The following UTS2B variants were observed in gnomAD, a reference collection of about 807,000 sequenced individuals.
UTS2B encodes the protein urotensin-2B.
UTS2B carries 21 observed loss-of-function variants against 19.2 expected under a neutral mutation model. The observed-to-expected ratio is 1.09, with a 90% CI of 0.78 to 1.58. The LOEUF (loss-of-function observed/expected upper bound fraction) is 1.58. Ranked by LOEUF, UTS2B falls within the 40% of genes most tolerant of loss-of-function variation. UTS2B has a pLI of 0.00. For missense variants in UTS2B, 138 were observed against 130.3 expected (o/e 1.06, Z -0.29); for synonymous variants, 57 against 50.2 (o/e 1.14, Z -0.58).
chr3:191,291,732 G>C (rs1030963647), intron 4 of UTS2B, among the ~76,000 whole-genome samples: 3 of 152,108 alleles, frequency 2.0e-5, no homozygotes, highest in African/African-American at 7.2e-5. Flanking sequence ...GATTACATGC[G>C]TGAGCCACCG....
chr3:191,333,313 A>G (rs962109272), upstream of UTS2B, among the ~76,000 whole-genome samples: 4 of 152,208 alleles, frequency 2.6e-5, no homozygotes, highest in African/African-American at 7.2e-5. Context: ...AGGGCACTCC[A>G]GTGGCATAAT....
intron 8 of UTS2B, among the ~76,000 whole-genome samples, chr3:191,271,635 A>C (rs1203934795): frequency 6.6e-6 from 1 of 151,436 alleles, no homozygotes; most frequent in Non-Finnish European, 1.5e-5. Context: ...TCTTTTGTTG[A>C]CTCTGCCTCA....
chr3:191,313,829 C>G (rs1299334421), intron 3 of UTS2B, among the ~76,000 whole-genome samples: 2 of 146,998 alleles, frequency 1.4e-5, no homozygotes, highest in African/African-American at 5.0e-5. Context: ...CTCCCAGGTT[C>G]AAGTGATTCT....
chr3:191,338,832 A>G, the UTS2B span, among the ~76,000 whole-genome samples: 1 of 152,206 alleles, frequency 6.6e-6, no homozygotes, highest in Non-Finnish European at 1.5e-5. Flanking sequence ...TTTGGAGGCA[A>G]CAGTCTTACT....
At chr3:191,329,830 C>A in intron 1 of UTS2B, 1 of 1,180,130 alleles carries the variant, frequency 8.5e-7, no homozygotes, top group Non-Finnish European at 1.2e-6. Flanking sequence ...TCGCCCGGTG[C>A]CCGCCCTGCG....
chr3:191,294,384 G>A, intron 4 of UTS2B, among the ~76,000 whole-genome samples: 1 of 151,924 alleles, frequency 6.6e-6, no homozygotes, highest in Middle Eastern at 3.4e-3. Flanking sequence ...CAGTGCCTTT[G>A]TAAGAAAAAA....
chr3:191,337,756 A>G, the UTS2B span, among the ~76,000 whole-genome samples: 13 of 152,148 alleles, frequency 8.5e-5, no homozygotes, highest in Non-Finnish European at 1.3e-4. Context: ...GCCAGCTCTG[A>G]GTAAGGGTCT....
chr3:191,277,156 T>G (rs975087825), intron 6 of UTS2B, among the ~76,000 whole-genome samples: 3 of 152,118 alleles, frequency 2.0e-5, no homozygotes, highest in African/African-American at 7.2e-5. Context: ...GAAATTCTCA[T>G]AAAACAACAT....
At chr3:191,345,777 C>T in the UTS2B span, among the ~76,000 whole-genome samples, 9 of 151,968 alleles carry the variant, frequency 5.9e-5, no homozygotes, top group African/African-American at 1.9e-4. Context: ...TGATAAATTA[C>T]GTGAGAATGA....
intron 2 of UTS2B, among the ~76,000 whole-genome samples, chr3:191,322,283 T>A (rs994608742): frequency 6.6e-6 from 1 of 152,142 alleles, no homozygotes; most frequent in African/African-American, 2.4e-5. Context: ...TTTTCCACAA[T>A]GTGGTCAGTG....
At chr3:191,336,428 T>A in the UTS2B span, among the ~76,000 whole-genome samples, 1 of 152,204 alleles carries the variant, frequency 6.6e-6, no homozygotes, top group Non-Finnish European at 1.5e-5. Flanking sequence ...ACTCATGATG[T>A]TGTGCCTTTT....
At chr3:191,329,364 C>T in intron 1 of UTS2B, 1 of 329,778 alleles carries the variant, frequency 3.0e-6, no homozygotes, top group Non-Finnish European at 5.4e-6. Flanking sequence ...TCTGTCTCCT[C>T]TCTCCCTCCG....
chr3:191,336,464 T>A, the UTS2B span, among the ~76,000 whole-genome samples: 1 of 152,198 alleles, frequency 6.6e-6, no homozygotes, highest in Admixed American at 6.5e-5. Context: ...GCTATTCTTA[T>A]ATTGTTTGTT....
intron 4 of UTS2B, among the ~76,000 whole-genome samples, chr3:191,288,045 C>T (rs1356939060): frequency 6.6e-6 from 1 of 152,128 alleles, no homozygotes; most frequent in Non-Finnish European, 1.5e-5. Flanking sequence ...CAATGGATAT[C>T]CCCTCAAAAA....
intron 3 of UTS2B, among the ~76,000 whole-genome samples, chr3:191,309,051 A>C (rs1576930090): frequency 6.6e-6 from 1 of 152,264 alleles, no homozygotes; most frequent in East Asian, 1.9e-4. Context: ...AAATGCCAGT[A>C]GGTGGGTTAA....
At chr3:191,275,076 G>C (rs1347435683) in intron 8 of UTS2B, among the ~76,000 whole-genome samples, 176 bp downstream of exon 8, 2 of 152,114 alleles carry the variant, frequency 1.3e-5, no homozygotes, top group Non-Finnish European at 2.9e-5. Context: ...ACACCAGAAA[G>C]CTCAAATACA....
Position 191,284,604 on chromosome 3 carries a change from G to A in UTS2B, c.-124-2291C>T, listed in dbSNP as rs570081734. On this transcript the variant is annotated intron_variant, in intron 4 of 8. Coordinates refer to ENST00000340524, the MANE Select transcript of UTS2B (RefSeq NM_198152.5). ...CCCAAAGAGCTGGTATTACAGGTGT[G>A]AGCCACTGCACCTGGCCCCAAAATG... 2.0e-5 allele frequency among the ~76,000 whole-genome samples: 3 copies of A among 150,988 alleles called. No individual in the cohort carries two copies. The South Asian group carries it at 6.3e-4, about 32-fold the overall frequency.
chr3:191,345,402 A>G, the UTS2B span, among the ~76,000 whole-genome samples: 1 of 152,240 alleles, frequency 6.6e-6, no homozygotes, highest in African/African-American at 2.4e-5. Context: ...AACCAATATA[A>G]GTAAAGACTG....
At chr3:191,340,444 A>G in the UTS2B span, among the ~76,000 whole-genome samples, 1 of 152,226 alleles carries the variant, frequency 6.6e-6, no homozygotes, top group Non-Finnish European at 1.5e-5. Flanking sequence ...AGGAAACTAC[A>G]TTTAGTTTTA....
Sources: gnomAD v4.1 joint callset for allele counts (sites outside exome capture counted in the v4.1 genomes callset) on GRCh38, gnomAD v4.1.1 for gene constraint, MANE v1.5 for transcripts, NCBI Gene and HGNC (gene_info 2026-07-23, HGNC 2026-07-21) for gene names.